The following TMEM117 variants were observed in gnomAD, a reference collection of about 807,000 sequenced individuals.
TMEM117 encodes the protein transmembrane protein 117.
Under a neutral mutation model 52.4 loss-of-function variants are expected in TMEM117, and 27 were observed. The observed-to-expected ratio is 0.51, with a 90% confidence interval of 0.38 to 0.71. The LOEUF is 0.71. TMEM117 is among the 30% of genes least tolerant of loss of function. The probability of loss-of-function intolerance (pLI) is 0.00; values close to 1 mark genes in which losing one functional copy is unlikely to be tolerated. For synonymous variants in TMEM117, 215 were observed against 206.3 expected, an observed-to-expected ratio of 1.04 and a Z score of -0.36; for missense variants, 556 against 630.5, an observed-to-expected ratio of 0.88 and a Z score of 1.26.
chr12:44,379,566 T>C (rs1467817295), intron 7 of TMEM117, among the ~76,000 whole-genome samples: 2 of 152,310 alleles, frequency 1.3e-5, no homozygotes, highest in South Asian at 4.1e-4. Context: ...CTCTCTCTGT[T>C]TTGTTAATTG....
At chr12:44,043,152 G>T (rs1946828249) in intron 3 of TMEM117, among the ~76,000 whole-genome samples, 1 of 152,188 alleles carries the variant, frequency 6.6e-6, no homozygotes, top group Non-Finnish European at 1.5e-5. Context: ...CCTAAGTTTA[G>T]TGGACAAAGT....
intron 4 of TMEM117, among the ~76,000 whole-genome samples, chr12:44,170,446 T>A (rs984525922): frequency 4.0e-5 from 6 of 151,878 alleles, no homozygotes; most frequent in African/African-American, 1.2e-4. Flanking sequence ...AGTAAAAAAA[T>A]TTATAATTTT....
chr12:44,281,461 G>A (rs1016784844), intron 5 of TMEM117, among the ~76,000 whole-genome samples: 34 of 152,076 alleles, frequency 2.2e-4, no homozygotes, highest in African/African-American at 8.2e-4. Flanking sequence ...ACATACTCTT[G>A]TTCTTAGCCT....
At chr12:43,899,334 A>G (rs949991851) in intron 2 of TMEM117, among the ~76,000 whole-genome samples, 3 of 152,246 alleles carry the variant, frequency 2.0e-5, no homozygotes, top group African/African-American at 7.2e-5. Flanking sequence ...GTGACAATTT[A>G]TGTTGATAAT....
intron 6 of TMEM117, among the ~76,000 whole-genome samples, chr12:44,308,362 C>T (rs1475591772): frequency 3.3e-5 from 5 of 152,146 alleles, no homozygotes; most frequent in Admixed American, 2.0e-4. Flanking sequence ...AAGAATATTT[C>T]AGCCCTATCC....
chr12:44,119,760 T>C (rs928341632), intron 3 of TMEM117, among the ~76,000 whole-genome samples: 1 of 152,174 alleles, frequency 6.6e-6, no homozygotes, highest in African/African-American at 2.4e-5. Context: ...ATGCATTTGC[T>C]TTTCATCAGC....
In TMEM117 at chr12:44,294,151, T is replaced by A. The variant is rs535856473; in HGVS notation, c.609-5429T>A. 5.9e-4 allele frequency among the ~76,000 whole-genome samples: 90 copies of A among 152,296 alleles called. 1 individual carries two copies. The highest frequency in any genetic ancestry group is 4.9e-4 in the Non-Finnish European group (33 of 67,996). On this transcript the variant is annotated intron_variant, in intron 5 of 7. Coordinates refer to ENST00000266534, the MANE Select transcript of TMEM117 (RefSeq NM_032256.3). ...ACTCTCTCCTGGTTTTCAAGGTTTT[T>A]TATGGAGATGTTCACCAATAGTTTT...
intron 2 of TMEM117, among the ~76,000 whole-genome samples, chr12:43,867,304 A>G (rs1448335267): frequency 1.3e-5 from 2 of 152,176 alleles, no homozygotes; most frequent in African/African-American, 4.8e-5. Context: ...GGCATGTTTC[A>G]ATCTTTAGAA....
intron 3 of TMEM117, among the ~76,000 whole-genome samples, chr12:44,114,674 C>G (rs930160078): frequency 2.6e-5 from 4 of 152,192 alleles, no homozygotes; most frequent in African/African-American, 9.7e-5. Flanking sequence ...CAACCTCCAT[C>G]AAGACAAACT....
intron 3 of TMEM117, among the ~76,000 whole-genome samples, chr12:44,087,536 A>T (rs576904765): frequency 1.2e-4 from 18 of 152,024 alleles, no homozygotes; most frequent in Non-Finnish European, 2.5e-4. Flanking sequence ...ATCATGGCTT[A>T]CTGTAGCCTC....
the TMEM117 span, chr12:43,805,900 G>C: frequency 6.8e-7 from 1 of 1,479,320 alleles, no homozygotes; most frequent in Non-Finnish European, 9.1e-7. Context: ...GTGACCAAAA[G>C]GGGGAAAGTT....
intron 3 of TMEM117, among the ~76,000 whole-genome samples, chr12:44,079,687 A>G (rs1398043000): frequency 6.6e-6 from 1 of 152,100 alleles, no homozygotes; most frequent in African/African-American, 2.4e-5. Context: ...CAAACCAAAA[A>G]ATTGTTTATC....
chr12:43,990,673 T>A (rs1945923293), intron 3 of TMEM117, among the ~76,000 whole-genome samples: 1 of 152,182 alleles, frequency 6.6e-6, no homozygotes, highest in South Asian at 2.1e-4. Flanking sequence ...CCTGTCTATA[T>A]TAGCTCATTA....
intron 3 of TMEM117, chr12:44,073,522 C>T (rs1947336086): frequency 6.6e-6 from 1 of 152,200 alleles, no homozygotes; most frequent in Non-Finnish European, 1.5e-5. Flanking sequence ...GGTTTTCCAA[C>T]TGCTCTCAAG....
At chr12:44,179,075 T>A (rs1255381317) in intron 4 of TMEM117, among the ~76,000 whole-genome samples, 2 of 152,030 alleles carry the variant, frequency 1.3e-5, no homozygotes, top group Admixed American at 6.6e-5. Flanking sequence ...GTGCCTGTAA[T>A]CCCAGCTACT....
intron 3 of TMEM117, among the ~76,000 whole-genome samples, chr12:43,989,579 G>T (rs960596557): frequency 1.5e-4 from 23 of 151,980 alleles, no homozygotes; most frequent in Non-Finnish European, 1.5e-5. Context: ...TCAATTGCAA[G>T]ATTCCAATCA....
At chr12:44,311,833 ATATATG>A (rs1432943508) in intron 6 of TMEM117, among the ~76,000 whole-genome samples, 15 of 118,416 alleles carry the variant, frequency 1.3e-4, no homozygotes, top group South Asian at 7.2e-4. Context: ...GTATATATGT[ATATATG>A]TATATATATG....
chr12:43,924,625 T>G (rs10785474), intron 2 of TMEM117, among the ~76,000 whole-genome samples: 25,189 of 152,160 alleles, frequency 0.17, 3,139 homozygotes, highest in African/African-American at 0.34. Flanking sequence ...ATGAATATTG[T>G]ACTTTATTTC....
At chr12:43,805,921 C>A in the TMEM117 span, 9 of 1,510,100 alleles carry the variant, frequency 6.0e-6, no homozygotes, top group South Asian at 1.0e-4. Context: ...GGGCGACTGT[C>A]GGGGACGGTG....
Sources: gnomAD v4.1 joint callset for allele counts (sites outside exome capture counted in the v4.1 genomes callset) on GRCh38, gnomAD v4.1.1 for gene constraint, MANE v1.5 for transcripts, NCBI Gene and HGNC (gene_info 2026-07-23, HGNC 2026-07-21) for gene names.